TJP1: variants seen among roughly 807,000 people sequenced by gnomAD.
TJP1 encodes tight junction protein 1.
Under a neutral mutation model 194.2 loss-of-function variants are expected in TJP1, and 43 were observed. The ratio of observed to expected loss-of-function variants is 0.22; its 90% CI spans 0.17 to 0.29. The LOEUF is 0.29. Ranked by LOEUF, TJP1 falls within the 10% of genes least tolerant of loss-of-function variation. The probability of loss-of-function intolerance (pLI) is 1.00; values close to 1 mark genes in which losing one functional copy is unlikely to be tolerated. For synonymous variants in TJP1, 801 were observed against 779.0 expected (o/e 1.03, Z -0.47); for missense variants, 1,971 against 2,185.7 (o/e 0.90, Z 1.96).
chr15:29,755,997 AG>A (rs2045621764), intron 8 of TJP1, among the ~76,000 whole-genome samples: 2 of 152,120 alleles, frequency 1.3e-5, no homozygotes, highest in South Asian at 2.1e-4. Context: ...ACAATGTTAG[AG>A]GGAAACATAA....
intron 8 of TJP1, among the ~76,000 whole-genome samples, chr15:29,753,611 T>G (rs1418507837): frequency 6.6e-6 from 1 of 151,288 alleles, no homozygotes; most frequent in East Asian, 1.9e-4. Flanking sequence ...ACATTACTGG[T>G]AAAATCTTTC....
At chr15:29,701,712 G>A (rs755028257) in intron 27 of TJP1, 23 bp from the exon 28 acceptor site, 2 of 1,561,618 alleles carry the variant, frequency 1.3e-6, no homozygotes, top group African/African-American at 1.4e-5. Context: ...AGAAGTTGAT[G>A]TCATTTACAG....
intron 18 of TJP1, among the ~76,000 whole-genome samples, chr15:29,722,630 TC>T (rs2043001861): frequency 6.6e-6 from 1 of 151,994 alleles, no homozygotes; most frequent in Non-Finnish European, 1.5e-5. Flanking sequence ...CACCAGACAG[TC>T]CCCACTGGGG....
chr15:29,830,232 ATGTG>A (rs2050795123), intron 2 of TJP1, among the ~76,000 whole-genome samples: 1 of 151,748 alleles, frequency 6.6e-6, no homozygotes, highest in Admixed American at 6.6e-5. Flanking sequence ...ACTGCTCTAT[ATGTG>A]TGTATGTGTA....
rs2046818096 is a variant in TJP1 at position 29,773,444 on chromosome 15, T to C, written c.85-87A>G. 4.6e-6 allele frequency: 6 copies of C among 1,312,906 alleles called. No homozygotes were observed. In the South Asian group the frequency reaches 6.9e-5, roughly 15 times the overall value. 81.3% of individuals were successfully genotyped at this position (1,312,906 alleles called of 1,614,324 possible). ...TCTACAATCTAGAGAAGCCAAAATA[T>C]AAAAATTACAATCTTAATATATCTG... On this transcript the variant is annotated intron_variant, in intron 2 of 27. Transcript: ENST00000614355.
chr15:29,801,409 C>T (rs184255695), intron 1 of TJP1, among the ~76,000 whole-genome samples: 19 of 152,148 alleles, frequency 1.2e-4, no homozygotes, highest in African/African-American at 4.3e-4. Context: ...TTATAGCGTA[C>T]TTCAGTTTTA....
chr15:29,944,806 T>C (rs2055217991), intron 2 of TJP1, among the ~76,000 whole-genome samples: 1 of 152,220 alleles, frequency 6.6e-6, no homozygotes, highest in African/African-American at 2.4e-5. Context: ...TCCAATAACC[T>C]GGATCAAAGT....
Position 29,762,434 on chromosome 15 carries a change from A to G in TJP1, c.594T>C (p.Tyr198=), listed in dbSNP as rs768897326. ...ATATATGGCTTGCCAATCGAAGACC[A>G]TATTCTGAAATAATGTAAGTAAGTG... ...TLVKSRKNEE[Y]GLRLASHIFV... is the part of the protein sequence containing the mutation. The change falls in exon 6 of 28, where the codon TAT becomes TAC. Residue 198 remains tyrosine, a synonymous_variant. Transcript: ENST00000614355. 1 of 1,611,148 alleles carries G rather than the reference A, an allele frequency of 6.2e-7. No individual in the cohort carries two copies. The highest frequency in any genetic ancestry group is 2.2e-5 in the East Asian group (1 of 44,812).
intron 20 of TJP1, 35 bp downstream of exon 20, chr15:29,719,742 A>G (rs2042812283): frequency 1.3e-6 from 2 of 1,586,402 alleles, no homozygotes; most frequent in East Asian, 2.2e-5. Context: ...ATTGATGGAC[A>G]GCAACAAATT....
chr15:29,718,602 T>C lies in TJP1; in HGVS notation c.3540A>G (p.Ser1180=). ...TGGACTCTGCAGGCTTGGGCCCTGC[T>C]GAAGGGTGGGGCTGGGCTTCCGGTC... is the stretch of plus-strand genomic sequence containing the variant. ...RLRPEAQPHP[S]AGPKPAESKQ... is the part of the protein sequence containing the mutation. The change falls in exon 21 of 28, where the codon TCA becomes TCG. Residue 1180 remains serine, a synonymous_variant. Coordinates refer to ENST00000614355, the MANE Select transcript of TJP1 (RefSeq NM_001330239.4). 7 of 1,614,178 alleles carry C rather than the reference T, an allele frequency of 4.3e-6. No individual in the cohort carries two copies. The highest frequency in any genetic ancestry group is 5.9e-6 in the Non-Finnish European group (7 of 1,180,032).
chr15:29,810,012 C>G (rs2151941921), intron 1 of TJP1, among the ~76,000 whole-genome samples: 1 of 152,176 alleles, frequency 6.6e-6, no homozygotes, highest in Admixed American at 6.5e-5. Context: ...TGCTTCAAAC[C>G]ACGTGTTTCC....
chr15:29,937,799 GT>G (rs1019141163), intron 2 of TJP1, among the ~76,000 whole-genome samples: 6 of 152,222 alleles, frequency 3.9e-5, no homozygotes, highest in Non-Finnish European at 7.4e-5. Context: ...TTTTGCCCTG[GT>G]TCAAAATATA....
In TJP1 at chr15:29,718,572, C is replaced by T; in HGVS notation, c.3570G>A (p.Gln1190=). 4 of 1,614,140 alleles carry T rather than the reference C, an allele frequency of 2.5e-6. No individual in the cohort carries two copies. Among genetic ancestry groups the T allele is most frequent in the Non-Finnish European group, 3.4e-6 (4 of 1,180,034 alleles). Residue 1190 remains glutamine, a synonymous_variant, in exon 21 of 28, where the codon CAG becomes CAA. Coordinates refer to ENST00000614355, the MANE Select transcript of TJP1 (RefSeq NM_001330239.4). ...SAGPKPAESK[Q]YFEQYSRSYE... is the part of the protein sequence containing the mutation. ...AACTGCGTGAATATTGCTCAAAATA[C>T]TGCTTGGACTCTGCAGGCTTGGGCC...
chr15:29,940,296 G>A (rs538498420), intron 2 of TJP1, among the ~76,000 whole-genome samples: 1 of 152,268 alleles, frequency 6.6e-6, no homozygotes, highest in South Asian at 2.1e-4. Flanking sequence ...CACACAGAGC[G>A]TGTGCCCATG....
chr15:29,805,744 C>T (rs550571824), intron 1 of TJP1, among the ~76,000 whole-genome samples: 8 of 152,210 alleles, frequency 5.3e-5, no homozygotes, highest in Non-Finnish European at 1.0e-4. Flanking sequence ...ACTTTTGCAC[C>T]ACATAGATAA....
intron 2 of TJP1, among the ~76,000 whole-genome samples, chr15:29,947,987 G>C (rs955498797): frequency 1.3e-5 from 2 of 152,120 alleles, no homozygotes; most frequent in Non-Finnish European, 2.9e-5. Flanking sequence ...AATCATTTGG[G>C]TGGGCACGGT....
intron 1 of TJP1, among the ~76,000 whole-genome samples, chr15:29,811,061 T>C (rs1277165347): frequency 6.6e-6 from 1 of 151,954 alleles, no homozygotes; most frequent in East Asian, 1.9e-4. Context: ...CATGAGGAAC[T>C]CAAAGAGAAA....
At chr15:29,903,688 C>T (rs1392370801) in intron 2 of TJP1, among the ~76,000 whole-genome samples, 1 of 152,220 alleles carries the variant, frequency 6.6e-6, no homozygotes, top group East Asian at 1.9e-4. Context: ...TTGTGATCCG[C>T]CCGCCTCGGC....
intron 11 of TJP1, 115 bp from the exon 12 acceptor site, chr15:29,734,497 T>TG (rs1364567427): frequency 5.0e-6 from 4 of 807,168 alleles, no homozygotes; most frequent in Admixed American, 3.0e-5. Flanking sequence ...TCTTTTTTTT[T>TG]TTTTGAGACA....
Sources: gnomAD v4.1 joint callset for allele counts (sites outside exome capture counted in the v4.1 genomes callset) on GRCh38, gnomAD v4.1.1 for gene constraint, MANE v1.5 for transcripts, NCBI Gene and HGNC (gene_info 2026-07-23, HGNC 2026-07-21) for gene names.